The following FADS1 variants were observed in gnomAD, a reference collection of about 807,000 sequenced individuals.
The protein encoded by FADS1 is acyl-CoA (8-3)-desaturase.
In FADS1, 17 loss-of-function variants were observed where a neutral mutation model predicts 61.6. That is an observed-to-expected ratio of 0.28 (90% CI 0.19 to 0.41). The LOEUF is 0.41. Ranked by LOEUF, FADS1 falls within the 10% of genes least tolerant of loss-of-function variation. The probability of loss-of-function intolerance (pLI) is 1.00; values close to 1 mark genes in which losing one functional copy is unlikely to be tolerated. For missense variants in FADS1, 387 were observed against 650.9 expected (o/e 0.59, Z 4.41); for synonymous variants, 238 against 258.7 (o/e 0.92, Z 0.77).
In FADS1 at chr11:61,816,399, C is replaced by T. The variant is rs2066983725; in HGVS notation, c.375+156G>A. The T allele has an allele frequency of 6.3e-7, 1 of 1,598,556 alleles. No homozygotes were observed. Among genetic ancestry groups the T allele is most frequent in the African/African-American group, 1.3e-5 (1 of 75,054 alleles). On this transcript the variant is annotated intron_variant, in intron 1 of 11. Coordinates refer to ENST00000350997, the MANE Select transcript of FADS1 (RefSeq NM_013402.7). The surrounding 1 kb of genome is among the most constrained non-coding windows in gnomAD (Gnocchi z 7.0). The stretch of plus-strand genomic sequence containing the variant: ...CTCTCCCGCCTTTTCATCCCGCATC[C>T]GCAGGACACCCAATCACCGGGCAAC...
Position 61,800,475 on chromosome 11 carries a change from T to G in FADS1, c.*1936A>C, listed in dbSNP as rs1035733740. On this transcript the variant is annotated 3_prime_UTR_variant, in exon 12 of 12. Coordinates refer to ENST00000350997, the MANE Select transcript of FADS1 (RefSeq NM_013402.7). ...GCCCATTCTTCCTGTGTCTTTGTGT[T>G]GACAAACCTCTAATCTTCCATGTCT... The G allele has an allele frequency of 1.3e-5, 2 of 152,390 alleles. No homozygotes were observed. The highest frequency in any genetic ancestry group is 4.8e-5 in the African/African-American group (2 of 41,464). The allele number at this position is 152,390 out of a possible 1,614,324, so 9.4% of individuals were successfully genotyped here.
At position 61,803,332 on chromosome 11, in the gene FADS1, T is replaced by C. The variant is rs369123975; in HGVS notation, c.1248+31A>G. On this transcript the variant is annotated intron_variant, in intron 9 of 11. Coordinates refer to ENST00000350997, the MANE Select transcript of FADS1 (RefSeq NM_013402.7). This position sits in a 1 kb window ranked among gnomAD's most constrained non-coding sequence, Gnocchi z 4.3. The stretch of plus-strand genomic sequence containing the variant: ...CGCATCCTTTTCAATAGTTGTGTTA[T>C]GCTCCAGTCTTCTGAGTGACTGTCC... 1.3e-6 allele frequency: 2 copies of C among 1,549,750 alleles called. No homozygotes were observed. Among genetic ancestry groups the C allele is most frequent in the African/African-American group, 1.4e-5 (1 of 73,760 alleles).
chr11:61,807,219 C>G (rs1187974847), intron 5 of FADS1, among the ~76,000 whole-genome samples: 1 of 152,214 alleles, frequency 6.6e-6, no homozygotes, highest in Non-Finnish European at 1.5e-5. Flanking sequence ...CAGGCATGTG[C>G]CTCCACGCCC....
Position 61,812,198 on chromosome 11 carries a change from C to T in FADS1, c.684+273G>A, listed in dbSNP as rs115781064. 6.2e-3 allele frequency among the ~76,000 whole-genome samples: 942 copies of T among 152,306 alleles called. 10 individuals carry two copies. The highest frequency in any genetic ancestry group is 0.021 in the African/African-American group (883 of 41,558). On this transcript the variant is annotated intron_variant, in intron 3 of 11. Transcript: ENST00000350997. ...AAGAAACCAGAAACTTGGCTCCTGG[C>T]ACAGGTGGGCTGTGGCAGAGAACAA... is the stretch of plus-strand genomic sequence containing the variant.
chr11:61,811,107 C>T, intron 3 of FADS1, 32 bp from the exon 4 acceptor site: 1 of 1,537,852 alleles, frequency 6.5e-7, no homozygotes, highest in South Asian at 1.1e-5. Context: ...TGAGAGCAGC[C>T]CACCAGCCCC....
Position 61,810,781 on chromosome 11 carries a change from G to A in FADS1, c.885C>T (p.Phe295=), listed in dbSNP as rs1289461411. The change falls in exon 5 of 12, where the codon TTC becomes TTT. Residue 295 remains phenylalanine (F), a synonymous_variant. Coordinates refer to ENST00000350997, the MANE Select transcript of FADS1 (RefSeq NM_013402.7). ...KDPDINMHPF[F]FALGKILSVE... is the part of the protein sequence containing the mutation. Reference sequence around the variant, plus strand: ...CAGAGAGGATCTTCCCCAAGGCAAAGAAGAAGGGATGCATGTTGATGTCTG... The same window carrying A: ...CAGAGAGGATCTTCCCCAAGGCAAAAAAGAAGGGATGCATGTTGATGTCTG... 6.2e-7 allele frequency: 1 copy of A among 1,614,186 alleles called. No homozygotes were observed. Among genetic ancestry groups the A allele is most frequent in the East Asian group, 2.2e-5 (1 of 44,888 alleles).
intron 1 of FADS1, chr11:61,814,004 A>C (rs1591155127): frequency 1.4e-5 from 2 of 145,526 alleles, no homozygotes; most frequent in Non-Finnish European, 3.0e-5. Context: ...TCCCCCTCAC[A>C]CCCCCCAACG....
intron 6 of FADS1, chr11:61,805,069 C>T: frequency 2.1e-6 from 1 of 484,882 alleles, no homozygotes; most frequent in Non-Finnish European, 3.6e-6. Context: ...TTGCTCTGCT[C>T]CCACACCTTT....
chr11:61,810,075 TC>T (rs1426971941), intron 5 of FADS1, among the ~76,000 whole-genome samples: 1 of 152,224 alleles, frequency 6.6e-6, no homozygotes, highest in East Asian at 1.9e-4. Context: ...AATGAACTTT[TC>T]AAAGAATTCT....
At chr11:61,808,096 G>A (rs2066906160) in intron 5 of FADS1, among the ~76,000 whole-genome samples, 1 of 152,190 alleles carries the variant, frequency 6.6e-6, no homozygotes, top group Admixed American at 6.5e-5. Context: ...AGCACTTTGG[G>A]AGGCTGAGGT....
intron 5 of FADS1, 124 bp from the exon 6 acceptor site, chr11:61,806,848 A>AT: frequency 2.4e-6 from 2 of 850,928 alleles, no homozygotes; most frequent in Non-Finnish European, 4.0e-6. Flanking sequence ...TGCTATTGGA[A>AT]AGCTCCAAGA....
chr11:61,803,243 A>G lies in FADS1; in HGVS notation c.1248+120T>C, dbSNP rs1360875087. The G allele has an allele frequency of 8.0e-7, 1 of 1,244,182 alleles. No individual in the cohort carries two copies. Among genetic ancestry groups the G allele is most frequent in the East Asian group, 2.3e-5 (1 of 43,030 alleles). 77.1% of individuals were successfully genotyped at this position (1,244,182 alleles called of 1,614,324 possible). A position where few individuals can be genotyped will look rare whatever the true frequency, so the allele number is the denominator to read the frequency against. On this transcript the variant is annotated intron_variant, in intron 9 of 11. Transcript: ENST00000350997. The surrounding 1 kb of genome is among the most constrained non-coding windows in gnomAD (Gnocchi z 4.3). ...CACTCCCTTCACATGGTTGCAGAAC[A>G]AGAGCCTCAGGCTAATGAGAAAATG...
chr11:61,808,955 T>C (rs948018987), intron 5 of FADS1, among the ~76,000 whole-genome samples: 2 of 152,210 alleles, frequency 1.3e-5, no homozygotes, highest in Admixed American at 6.5e-5. Flanking sequence ...GCAAAGCAGA[T>C]TGCTGTACCC....
chr11:61,808,460 G>T (rs1003129329), intron 5 of FADS1, among the ~76,000 whole-genome samples: 2 of 152,156 alleles, frequency 1.3e-5, no homozygotes, highest in African/African-American at 2.4e-5. Context: ...CATCCCTCTG[G>T]GGATGTTGAT....
chr11:61,805,758 C>T (rs1182718093), intron 6 of FADS1: 1 of 152,074 alleles, frequency 6.6e-6, no homozygotes, highest in African/African-American at 2.4e-5. Context: ...TTTTAAGAAA[C>T]AAGATCTCAC....
chr11:61,812,339 C>A, intron 3 of FADS1, 132 bp downstream of exon 3: 2 of 724,870 alleles, frequency 2.8e-6, no homozygotes, highest in Admixed American at 2.4e-5. Flanking sequence ...CATGTTCCTG[C>A]ACTCACTCCT....
chr11:61,814,823 C>T (rs2066962330), intron 1 of FADS1: 2 of 152,248 alleles, frequency 1.3e-5, no homozygotes, highest in African/African-American at 2.4e-5. Context: ...TTCTCTAGGT[C>T]CCCATTCGAC....
Position 61,802,479 on chromosome 11 carries a change from G to C in FADS1, c.1455-17C>G. 6.4e-7 allele frequency: 1 copy of C among 1,558,784 alleles called. No homozygotes were observed. The highest frequency in any genetic ancestry group is 8.7e-7 in the Non-Finnish European group (1 of 1,150,428). ...TTTAGTGAGCTGCAGGGACAAAATG[G>C]GGGCAGACAGTGAGGGAGACAAGCA... On this transcript the variant is annotated splice_polypyrimidine_tract_variant and intron_variant, in intron 11 of 11. Coordinates refer to ENST00000350997, the MANE Select transcript of FADS1 (RefSeq NM_013402.7). This position sits in a 1 kb window ranked among gnomAD's most constrained non-coding sequence, Gnocchi z 4.2.
chr11:61,806,212 T>C (rs174551), intron 6 of FADS1: 44,572 of 155,142 alleles, frequency 0.29, 8,273 homozygotes, highest in East Asian at 0.55. Context: ...CGGTGGCGGG[T>C]GCCTGTAATC....
Sources: allele counts gnomAD v4.1 joint callset (sites outside exome capture counted in the v4.1 genomes callset), GRCh38; gene constraint gnomAD v4.1.1; non-coding constraint Gnocchi (gnomAD v3.1); transcripts MANE v1.5; gene names NCBI Gene and HGNC (gene_info 2026-07-23, HGNC 2026-07-21).